The following AFF3 variants were observed in gnomAD, a reference collection of about 807,000 sequenced individuals.
AFF3 encodes AF4/FMR2 family member 3.
In AFF3, 32 loss-of-function variants were observed where a neutral mutation model predicts 129.7. The observed-to-expected ratio is 0.25, with a 90% CI of 0.19 to 0.33. The LOEUF (loss-of-function observed/expected upper bound fraction) is 0.33. AFF3 is among the 10% of genes least tolerant of loss of function. The pLI, the probability that AFF3 is intolerant of heterozygous loss-of-function variation, is 1.00. For missense variants in AFF3, 1,373 were observed against 1,592.0 expected (o/e 0.86, Z 2.34); for synonymous variants, 644 against 635.4 (o/e 1.01, Z -0.20).
intron 4 of AFF3, among the ~76,000 whole-genome samples, chr2:100,070,765 T>C (rs1430164080): frequency 6.6e-6 from 1 of 152,192 alleles, no homozygotes; most frequent in Non-Finnish European, 1.5e-5. Flanking sequence ...TGTCACATAA[T>C]TACAAGTGTC....
chr2:99,924,858 C>T (rs941723134), intron 7 of AFF3, among the ~76,000 whole-genome samples: 2 of 151,542 alleles, frequency 1.3e-5, no homozygotes, highest in Admixed American at 6.6e-5. Context: ...TGTCCATACA[C>T]ACCAAAAATG....
intron 12 of AFF3, among the ~76,000 whole-genome samples, chr2:99,668,040 C>T (rs1418840935): frequency 2.6e-5 from 4 of 151,940 alleles, no homozygotes; most frequent in African/African-American, 9.7e-5. Flanking sequence ...CGCCTGTAGT[C>T]CCAGCTACTC....
chr2:99,593,887 C>G lies in AFF3; in HGVS notation c.1774G>C (p.Glu592Gln). ...GCGCCGTCCCCGGCTGAGGTCCTCTCGGTGCGCCTGGTGGGCTTCTTGCCC... is the reference window on the plus strand; with the variant it reads ...GCGCCGTCCCCGGCTGAGGTCCTCTGGGTGCGCCTGGTGGGCTTCTTGCCC... ...SAGKKPTRRT[E>Q]RTSAGDGANC... is the part of the protein sequence containing the mutation. The change falls in exon 15 of 25, where the codon GAG becomes CAG. Residue 592 changes from glutamate (E) to glutamine (Q), a missense_variant. By Grantham distance (29) the Glu-to-Gln change is conservative. Coordinates refer to ENST00000672756, the MANE Select transcript of AFF3 (RefSeq NM_001386135.1). The G allele has an allele frequency of 6.6e-7, 1 of 1,509,790 alleles. No homozygotes were observed. Among genetic ancestry groups the G allele is most frequent in the Non-Finnish European group, 8.8e-7 (1 of 1,136,700 alleles). The allele number at this position is 1,509,790 out of a possible 1,614,324, so 93.5% of individuals were successfully genotyped here.
At chr2:99,767,800 C>G (rs1362445218) in intron 8 of AFF3, among the ~76,000 whole-genome samples, 1 of 152,180 alleles carries the variant, frequency 6.6e-6, no homozygotes, top group Non-Finnish European at 1.5e-5. Context: ...AAAAAATTAG[C>G]TGGGTGCGGT....
Position 99,842,016 on chromosome 2 carries a change from G to A in AFF3, c.874-4492C>T, listed in dbSNP as rs574106204. On this transcript the variant is annotated intron_variant, in intron 7 of 24. Coordinates refer to ENST00000672756, the MANE Select transcript of AFF3 (RefSeq NM_001386135.1). ...CACTAGCTAATCTCCAACACTACAC[G>A]TGTAGACCAAAGGGGGAAGAGAGGA... is the stretch of plus-strand genomic sequence containing the variant. 3.9e-5 allele frequency among the ~76,000 whole-genome samples: 6 copies of A among 152,234 alleles called. No individual in the cohort carries two copies. In the South Asian group the frequency reaches 8.3e-4, roughly 21 times the overall value.
chr2:100,015,938 ATGGTGG>A (rs373721833), intron 4 of AFF3, among the ~76,000 whole-genome samples: 2 of 151,360 alleles, frequency 1.3e-5, no homozygotes, highest in Middle Eastern at 3.4e-3. Context: ...GATGGTTATG[ATGGTGG>A]TGGTGGTGGT....
At chr2:99,563,091 A>G (rs1242163135) in intron 20 of AFF3, among the ~76,000 whole-genome samples, 1 of 151,934 alleles carries the variant, frequency 6.6e-6, no homozygotes, top group East Asian at 1.9e-4. Flanking sequence ...CTTGGTGGTG[A>G]GAACCCCTTG....
chr2:100,098,408 C>T (rs568726930), intron 4 of AFF3, among the ~76,000 whole-genome samples: 3 of 151,792 alleles, frequency 2.0e-5, no homozygotes, highest in Non-Finnish European at 4.4e-5. Context: ...ACAGGCAAAT[C>T]TATTCCAGGT....
chr2:99,958,233 C>A (rs1164205792), intron 7 of AFF3, among the ~76,000 whole-genome samples: 1 of 152,140 alleles, frequency 6.6e-6, no homozygotes, highest in Non-Finnish European at 1.5e-5. Flanking sequence ...TGGCTCACGC[C>A]TGTAATTCCA....
At chr2:99,646,663 C>A (rs912291211) in intron 13 of AFF3, among the ~76,000 whole-genome samples, 1 of 152,170 alleles carries the variant, frequency 6.6e-6, no homozygotes, top group Non-Finnish European at 1.5e-5. Context: ...CCCTGAGGTT[C>A]CTCTGGCAGC....
chr2:99,603,624 G>C (rs1680053990), intron 13 of AFF3, among the ~76,000 whole-genome samples: 1 of 152,146 alleles, frequency 6.6e-6, no homozygotes, highest in South Asian at 2.1e-4. Context: ...AGCAAAAATT[G>C]ACAAGTGACA....
At chr2:99,786,149 A>C (rs1684774558) in intron 8 of AFF3, among the ~76,000 whole-genome samples, 2 of 152,156 alleles carry the variant, frequency 1.3e-5, no homozygotes, top group African/African-American at 4.8e-5. Context: ...CTTTCTGCAA[A>C]AGGATGGTAG....
At chr2:99,649,531 T>A in intron 13 of AFF3, 95 bp downstream of exon 13, 1 of 1,368,024 alleles carries the variant, frequency 7.3e-7, no homozygotes. Flanking sequence ...AGAGATACTT[T>A]AGGGACAAAA....
At chr2:99,844,623 T>A (rs1486536459) in intron 7 of AFF3, among the ~76,000 whole-genome samples, 1 of 151,662 alleles carries the variant, frequency 6.6e-6, no homozygotes, top group Non-Finnish European at 1.5e-5. Context: ...TTAGTAGAGA[T>A]GATGTTTCAC....
intron 7 of AFF3, among the ~76,000 whole-genome samples, chr2:99,839,285 T>G (rs939582857): frequency 1.3e-5 from 2 of 152,030 alleles, no homozygotes; most frequent in Non-Finnish European, 2.9e-5. Flanking sequence ...AATTTTTGTA[T>G]TTTTAGTAGA....
intron 7 of AFF3, among the ~76,000 whole-genome samples, chr2:99,957,868 C>A (rs960334049): frequency 2.5e-4 from 38 of 152,180 alleles, no homozygotes; most frequent in African/African-American, 8.4e-4. Flanking sequence ...GGCAGCAGGC[C>A]TGGCCCAGTC....
At chr2:100,128,007 C>T (rs1351302461) in intron 2 of AFF3, among the ~76,000 whole-genome samples, 2 of 152,130 alleles carry the variant, frequency 1.3e-5, no homozygotes, top group Non-Finnish European at 2.9e-5. Context: ...CCAAGATGGC[C>T]ATGAGAGTGA....
At chr2:99,666,159 A>G (rs2104384821) in intron 12 of AFF3, among the ~76,000 whole-genome samples, 1 of 152,344 alleles carries the variant, frequency 6.6e-6, no homozygotes, top group Non-Finnish European at 1.5e-5. Flanking sequence ...CTCTGCTAGA[A>G]GCCAGTCAGC....
At chr2:100,065,314 T>TA (rs2105263419) in intron 4 of AFF3, among the ~76,000 whole-genome samples, 1 of 152,330 alleles carries the variant, frequency 6.6e-6, no homozygotes, top group Admixed American at 6.5e-5. Flanking sequence ...TGAAGGCTGA[T>TA]ACACAATGAA....
Sources: allele counts gnomAD v4.1 joint callset (sites outside exome capture counted in the v4.1 genomes callset), GRCh38; gene constraint gnomAD v4.1.1; transcripts MANE v1.5; gene names NCBI Gene and HGNC (gene_info 2026-07-23, HGNC 2026-07-21).